The following NLRP2 variants were observed in gnomAD, a reference collection of about 807,000 sequenced individuals.
The protein encoded by NLRP2 is NLR family pyrin domain containing 2.
A neutral mutation model predicts 97.2 loss-of-function variants in NLRP2; 107 were observed. That is an observed-to-expected ratio of 1.10 (90% confidence interval 0.94 to 1.29). The LOEUF (loss-of-function observed/expected upper bound fraction) is 1.29. NLRP2 is among the 50% of genes most tolerant of loss of function. The probability of loss-of-function intolerance (pLI) is 0.00; values close to 1 mark genes in which losing one functional copy is unlikely to be tolerated. For missense variants in NLRP2, 1,495 were observed against 1,330.3 expected (o/e 1.12, Z -1.93); for synonymous variants, 663 against 551.5 (o/e 1.20, Z -2.83).
chr19:54,972,670 T>G (rs2146353508), intron 2 of NLRP2, among the ~76,000 whole-genome samples: 2 of 152,128 alleles, frequency 1.3e-5, no homozygotes, highest in South Asian at 4.1e-4. Context: ...TTGCCCAGGC[T>G]GGTCTCGAAC....
At chr19:54,999,251 G>C (rs2073049266) in intron 12 of NLRP2, among the ~76,000 whole-genome samples, 1 of 152,160 alleles carries the variant, frequency 6.6e-6, no homozygotes, top group African/African-American at 2.4e-5. Flanking sequence ...GGGTTCAAGA[G>C]GTTCTCCTCC....
At chr19:54,985,254 G>C in intron 7 of NLRP2, 37 bp downstream of exon 7, 1 of 1,591,852 alleles carries the variant, frequency 6.3e-7, no homozygotes, top group Non-Finnish European at 8.6e-7. Context: ...AAATCCTTAG[G>C]GTATGAAAAT....
At chr19:54,986,665 C>T (rs2146475554) in intron 8 of NLRP2, among the ~76,000 whole-genome samples, 1 of 152,142 alleles carries the variant, frequency 6.6e-6, no homozygotes, top group South Asian at 2.1e-4. Flanking sequence ...ATTCTGCTGC[C>T]TCAGCCTCCC....
chr19:54,996,757 TC>T (rs764903498), intron 11 of NLRP2, among the ~76,000 whole-genome samples: 3 of 151,428 alleles, frequency 2.0e-5, no homozygotes, highest in South Asian at 4.2e-4. Flanking sequence ...CCTGGAGAAC[TC>T]CCCCCCGAGC....
intron 10 of NLRP2, among the ~76,000 whole-genome samples, chr19:54,992,076 C>T (rs1470963924): frequency 2.0e-5 from 3 of 151,204 alleles, no homozygotes; most frequent in South Asian, 2.1e-4. Flanking sequence ...ACCACCACGC[C>T]GGGCTAATTT....
intron 2 of NLRP2, 151 bp downstream of exon 2, chr19:54,970,446 G>A: frequency 1.2e-6 from 1 of 818,554 alleles, no homozygotes; most frequent in Non-Finnish European, 2.0e-6. Context: ...AGGGTCAGGA[G>A]TTTGAGACCA....
At chr19:54,980,385 AG>A (rs2071495997) in intron 4 of NLRP2, among the ~76,000 whole-genome samples, 1 of 151,704 alleles carries the variant, frequency 6.6e-6, no homozygotes, top group Non-Finnish European at 1.5e-5. Flanking sequence ...TAGTAGAGAC[AG>A]GGTTTCACCG....
chr19:54,981,539 C>CCCCCCCCCCCCCCCCTTT, intron 4 of NLRP2, 78 bp from the exon 5 acceptor site: 1 of 691,888 alleles, frequency 1.4e-6, no homozygotes, highest in Non-Finnish European at 2.6e-6. Context: ...CATCAGCCTG[C>CCCCCCCCCCCCCCCCTTT]CTCCTTTTCT....
intron 8 of NLRP2, among the ~76,000 whole-genome samples, chr19:54,987,129 C>A (rs189204247): frequency 1.5e-3 from 211 of 139,032 alleles, no homozygotes; most frequent in African/African-American, 5.3e-3. Flanking sequence ...AGGTGATCTA[C>A]CCCCCCACCC....
rs748728484 is a variant in NLRP2 at position 54,990,075 on chromosome 19, T to C, written c.2420T>C (p.Leu807Pro). ...CAGTGGGCTGATCTCTCCTTGGCCC[T>C]TGAAGTCAACCAGTCCCTGACGTGC... is the stretch of plus-strand genomic sequence containing the variant. ...TQQWADLSLA[L>P]EVNQSLTCVN... The change falls in exon 9 of 13, where the codon CTT becomes CCT. Residue 807 changes from leucine to proline, a missense_variant. Transcript: ENST00000448584. The C allele has an allele frequency of 1.9e-6, 3 of 1,614,132 alleles. No homozygotes were observed. Among genetic ancestry groups the C allele is most frequent in the Non-Finnish European group, 2.5e-6 (3 of 1,180,036 alleles).
At chr19:54,969,257 C>T (rs74638327) in intron 1 of NLRP2, among the ~76,000 whole-genome samples, 1,854 of 151,878 alleles carry the variant, frequency 0.012, 42 homozygotes, top group African/African-American at 0.043. Context: ...AGGTGAATCA[C>T]GAGGTCAGGA....
chr19:54,989,590 G>C (rs1364501379), intron 8 of NLRP2: 1 of 277,662 alleles, frequency 3.6e-6, no homozygotes, highest in Non-Finnish European at 7.0e-6. Flanking sequence ...CCACTGGTCT[G>C]ACCACCCTTT....
chr19:54,993,314 T>G (rs2072611426), intron 10 of NLRP2: 1 of 152,044 alleles, frequency 6.6e-6, no homozygotes, highest in Non-Finnish European at 1.5e-5. Context: ...ATCTGCCATC[T>G]ATTTCCAAGG....
At chr19:54,990,383 C>A in intron 9 of NLRP2, 119 bp from the exon 10 acceptor site, 1 of 1,145,080 alleles carries the variant, frequency 8.7e-7, no homozygotes, top group Non-Finnish European at 1.3e-6. Flanking sequence ...ATCACCAGTG[C>A]ATGATAGAAG....
At chr19:54,990,715 C>T (rs770526236) in intron 10 of NLRP2, 43 bp downstream of exon 10, 1 of 1,604,888 alleles carries the variant, frequency 6.2e-7, no homozygotes. Context: ...TGTATATGCA[C>T]ACGCCCCCCA....
intron 7 of NLRP2, among the ~76,000 whole-genome samples, chr19:54,985,677 C>CAAAAAAAAA (rs113852885): frequency 2.9e-5 from 2 of 68,006 alleles, no homozygotes; most frequent in African/African-American, 9.0e-5. Flanking sequence ...GACTGCGTCT[C>CAAAAAAAAA]AAAAAAAAAA....
At chr19:54,971,759 A>G (rs1338050676) in intron 2 of NLRP2, among the ~76,000 whole-genome samples, 1 of 152,152 alleles carries the variant, frequency 6.6e-6, no homozygotes, top group Non-Finnish European at 1.5e-5. Context: ...GATTTAACCA[A>G]TCCTAGATCA....
At position 54,970,111 on chromosome 19, in the gene NLRP2, C is replaced by T. The variant is rs776117162; in HGVS notation, c.96C>T (p.Thr32=). The T allele has an allele frequency of 2.5e-6, 4 of 1,614,080 alleles. No individual in the cohort carries two copies. The South Asian group carries it at 3.3e-5, about 13-fold the overall frequency. The change falls in exon 2 of 13, where the codon ACC becomes ACT. Residue 32 remains threonine (T), a synonymous_variant. Coordinates refer to ENST00000448584, the MANE Select transcript of NLRP2 (RefSeq NM_017852.5). ...ELSKFKYLIT[T]FSLAHELQKI... ...GCAAGTTCAAGTATCTGATCACGACCTTCTCCCTGGCACACGAGCTCCAGA... is the reference window on the plus strand; with the variant it reads ...GCAAGTTCAAGTATCTGATCACGACTTTCTCCCTGGCACACGAGCTCCAGA...
intron 11 of NLRP2, among the ~76,000 whole-genome samples, chr19:54,997,039 C>A (rs1230429385): frequency 6.6e-6 from 1 of 152,260 alleles, no homozygotes; most frequent in South Asian, 2.1e-4. Context: ...TCCTGAGTAG[C>A]TGGGATTACA....
Sources: gnomAD v4.1 joint callset for allele counts (sites outside exome capture counted in the v4.1 genomes callset) on GRCh38, gnomAD v4.1.1 for gene constraint, MANE v1.5 for transcripts, NCBI Gene and HGNC (gene_info 2026-07-23, HGNC 2026-07-21) for gene names.